Variants in AVIL observed in about 807,000 individuals in gnomAD.
AVIL encodes advillin.
A neutral mutation model predicts 109.9 loss-of-function variants in AVIL; 78 were observed. That is an observed-to-expected ratio of 0.71 (90% CI 0.59 to 0.86). The LOEUF is 0.86. AVIL is among the 40% of genes least tolerant of loss of function. The probability of loss-of-function intolerance (pLI) is 0.00; values close to 1 mark genes in which losing one functional copy is unlikely to be tolerated. For missense variants in AVIL, 892 were observed against 1,016.5 expected, an observed-to-expected ratio of 0.88 and a Z score of 1.67; for synonymous variants, 367 against 379.1, an observed-to-expected ratio of 0.97 and a Z score of 0.37.
intron 3 of AVIL, among the ~76,000 whole-genome samples, chr12:57,813,896 G>A (rs908331825): frequency 1.8e-4 from 27 of 152,182 alleles, no homozygotes; most frequent in Admixed American, 1.3e-3. Context: ...CTAGGCCCGG[G>A]AGAAGTGCTG....
At chr12:57,802,411 T>C in intron 16 of AVIL, 63 bp from the exon 17 acceptor site, 1 of 1,508,940 alleles carries the variant, frequency 6.6e-7, no homozygotes, top group African/African-American at 1.4e-5. Context: ...TACTAGATCA[T>C]ACACATTACC....
intron 11 of AVIL, 82 bp downstream of exon 11, chr12:57,808,112 G>A: frequency 6.8e-7 from 1 of 1,477,136 alleles, no homozygotes; most frequent in Admixed American, 1.7e-5. Flanking sequence ...AGCAGACACA[G>A]AATCACCTGC....
At position 57,807,678 on chromosome 12, in the gene AVIL, T is replaced by C. The variant is rs1175362702; in HGVS notation, c.1244A>G (p.Tyr415Cys). ...LELVPVEYQW[Y>C]GFFYGGDCYL... The stretch of plus-strand genomic sequence containing the variant: ...ACAGTCTCCCCCATAAAAGAAGCCA[T>C]ACCATTGATACTCCACAGGGACCAG... The change falls in exon 12 of 20, where the codon TAT becomes TGT. Residue 415 changes from tyrosine (Y) to cysteine (C), a missense_variant. Tyr to Cys is a radical substitution (Grantham distance 194, BLOSUM62 -2). Coordinates refer to ENST00000549994, the MANE Select transcript of AVIL (RefSeq NM_006576.4). 7 of 1,614,088 alleles carry C rather than the reference T, an allele frequency of 4.3e-6. No homozygotes were observed. The highest frequency in any genetic ancestry group is 2.2e-5 in the South Asian group (2 of 91,092).
At chr12:57,808,645 A>G (rs898361812) in intron 9 of AVIL, 97 bp from the exon 10 acceptor site, 3 of 1,401,962 alleles carry the variant, frequency 2.1e-6, no homozygotes, top group Non-Finnish European at 2.9e-6. Flanking sequence ...ACATGATATA[A>G]GCGTCTCCCC....
intron 3 of AVIL, 79 bp downstream of exon 3, chr12:57,814,073 T>C (rs1956071507): frequency 4.0e-6 from 6 of 1,483,476 alleles, no homozygotes; most frequent in Middle Eastern, 4.2e-4. Flanking sequence ...CTACCTTCCC[T>C]CACCAGCACA....
intron 16 of AVIL, 64 bp from the exon 17 acceptor site, chr12:57,802,412 A>G: frequency 6.6e-7 from 1 of 1,508,072 alleles, no homozygotes. Flanking sequence ...ACTAGATCAT[A>G]CACATTACCC....
In AVIL at chr12:57,807,468, C is replaced by T. The variant is rs1396070469; in HGVS notation, c.1354G>A (p.Glu452Lys). ...GCCTGGTATGCTGAGGCTGCCAGCT[C>T]ATCCTGTGAGGCGTGGCGGCCCTGC... ...IWQGRHASQD[E>K]LAASAYQAVE... Residue 452 changes from glutamate (E) to lysine (K), a missense_variant, in exon 13 of 20, where the codon GAG (glutamate) becomes AAG (lysine). Coordinates refer to ENST00000549994, the MANE Select transcript of AVIL (RefSeq NM_006576.4). The T allele has an allele frequency of 1.9e-6, 3 of 1,614,270 alleles. No individual in the cohort carries two copies. Among genetic ancestry groups the T allele is most frequent in the Middle Eastern group, 1.6e-4 (1 of 6,062 alleles).
intron 11 of AVIL, 44 bp from the exon 12 acceptor site, chr12:57,807,771 G>C (rs1955973447): frequency 1.2e-6 from 2 of 1,613,272 alleles, no homozygotes; most frequent in African/African-American, 1.3e-5. Flanking sequence ...TGGGGGTGCT[G>C]AGAGGGGCTA....
chr12:57,797,735 A>C lies in AVIL; in HGVS notation c.*147T>G. The C allele has an allele frequency of 1.4e-6, 1 of 729,874 alleles. No homozygotes were observed. The highest frequency in any genetic ancestry group is 1.8e-5 in the African/African-American group (1 of 54,474). The allele number at this position is 729,874 out of a possible 1,614,324, so 45.2% of individuals were successfully genotyped here. Reference sequence around the variant, plus strand: ...GCAAGGAATGCAAGGATGAGAAAAAATGGAGAACATGCCGTGATTTGCAGA... The same window carrying C: ...GCAAGGAATGCAAGGATGAGAAAAACTGGAGAACATGCCGTGATTTGCAGA... On this transcript the variant is annotated 3_prime_UTR_variant, in exon 20 of 20. Coordinates refer to ENST00000549994, the MANE Select transcript of AVIL (RefSeq NM_006576.4).
At chr12:57,814,580 G>C (rs1956077922) in intron 2 of AVIL, 1 of 222,104 alleles carries the variant, frequency 4.5e-6, no homozygotes, top group African/African-American at 2.2e-5. Flanking sequence ...ACCCTTCTCT[G>C]AGCCGTTGTG....
chr12:57,803,529 A>T lies in AVIL; in HGVS notation c.1812T>A (p.Asp604Glu). The T allele has an allele frequency of 6.2e-7, 1 of 1,614,184 alleles. No individual in the cohort carries two copies. The highest frequency in any genetic ancestry group is 8.5e-7 in the Non-Finnish European group (1 of 1,180,010). ...LLGGKTPYAN[D>E]KRLQQEILDV... Reference sequence around the variant, plus strand: ...GGGAGGCTGTGTTCCCATACCTTTTATCATTGGCATAGGGAGTTTTCCCTC... The same window carrying T: ...GGGAGGCTGTGTTCCCATACCTTTTTTCATTGGCATAGGGAGTTTTCCCTC... Residue 604 changes from aspartate (D) to glutamate (E), a missense_variant, in exon 15 of 20, where the codon GAT becomes GAA. By Grantham distance (45) the Asp-to-Glu change is conservative (BLOSUM62 2). Coordinates refer to ENST00000549994, the MANE Select transcript of AVIL (RefSeq NM_006576.4).
At chr12:57,815,891 C>T (rs190429559) in intron 2 of AVIL, 84 bp downstream of exon 2, 38 of 1,597,980 alleles carry the variant, frequency 2.4e-5, no homozygotes, top group African/African-American at 1.3e-4. Flanking sequence ...GGGGTGCTGG[C>T]GGGCTGTTGC....
Position 57,813,859 on chromosome 12 carries a change from T to G in AVIL, c.141+293A>C, listed in dbSNP as rs542315887. ...AGACAGGCCTTGCATTTATCAGGCC[T>G]TCTTCCACACCACTTTAATGTGGGG... On this transcript the variant is annotated intron_variant, in intron 3 of 19. Transcript: ENST00000549994. Among the ~76,000 whole-genome samples, 51 of 152,320 alleles carry G rather than the reference T, an allele frequency of 3.3e-4. 1 individual carries two copies. Among genetic ancestry groups the G allele is most frequent in the African/African-American group, 1.1e-3 (47 of 41,572 alleles).
chr12:57,814,462 C>T (rs1565839019), intron 2 of AVIL: 2 of 514,846 alleles, frequency 3.9e-6, no homozygotes, highest in East Asian at 3.3e-5. Flanking sequence ...TCCTGCTTTC[C>T]CTTGCCCTAT....
At chr12:57,809,996 T>G in intron 7 of AVIL, 106 bp from the exon 8 acceptor site, 1 of 1,144,658 alleles carries the variant, frequency 8.7e-7, no homozygotes, top group Non-Finnish European at 1.3e-6. Context: ...CTAGGTAGAG[T>G]GTGACTGCCT....
Position 57,801,191 on chromosome 12 carries a change from A to C in AVIL, c.2173T>G (p.Leu725Val), listed in dbSNP as rs1955840800. ...GCAGCATCTCCCAGCTCTTCTTTTA[A>C]TTGTTCATATGTTTTTCCTGCCTGA... ...IWSAGKTYEQ[L>V]KEELGDAAAI... Residue 725 changes from leucine (L) to valine (V), a missense_variant, in exon 18 of 20, where the codon TTA becomes GTA. Transcript: ENST00000549994. 1 of 1,613,524 alleles carries C rather than the reference A, an allele frequency of 6.2e-7. No individual in the cohort carries two copies. Among genetic ancestry groups the C allele is most frequent in the Non-Finnish European group, 8.5e-7 (1 of 1,179,750 alleles).
intron 14 of AVIL, 86 bp from the exon 15 acceptor site, chr12:57,803,755 AG>A (rs961799964): frequency 2.0e-6 from 3 of 1,525,518 alleles, no homozygotes; most frequent in Non-Finnish European, 2.7e-6. Context: ...CTAATAACTC[AG>A]TGTGCCAGGA....
intron 11 of AVIL, 65 bp from the exon 12 acceptor site, chr12:57,807,792 A>G (rs959104985): frequency 6.2e-7 from 1 of 1,602,200 alleles, no homozygotes; most frequent in Non-Finnish European, 8.5e-7. Flanking sequence ...GGCCACACTA[A>G]AGAGAGAATC....
At chr12:57,816,281 A>C (rs945937075) in intron 1 of AVIL, 12 of 479,408 alleles carry the variant, frequency 2.5e-5, no homozygotes, top group East Asian at 1.1e-4. Flanking sequence ...TCTGCTTCCC[A>C]CCTGCCATTG....
Sources: allele counts gnomAD v4.1 joint callset (sites outside exome capture counted in the v4.1 genomes callset), GRCh38; gene constraint gnomAD v4.1.1; transcripts MANE v1.5; gene names NCBI Gene and HGNC (gene_info 2026-07-23, HGNC 2026-07-21).